Variants in TRAPPC8 observed in about 807,000 individuals in gnomAD.
TRAPPC8 encodes trafficking protein particle complex subunit 8.
TRAPPC8 carries 54 observed loss-of-function variants against 174.3 expected under a neutral mutation model. That is an observed-to-expected ratio of 0.31 (90% CI 0.25 to 0.39). The LOEUF is 0.39. Ranked by LOEUF, TRAPPC8 falls within the 10% of genes least tolerant of loss-of-function variation. The probability of loss-of-function intolerance (pLI) is 1.00; values close to 1 mark genes in which losing one functional copy is unlikely to be tolerated. For missense variants in TRAPPC8, 1,531 were observed against 1,699.1 expected (o/e 0.90, Z 1.74); for synonymous variants, 630 against 579.9 (o/e 1.09, Z -1.24).
At chr18:31,869,530 C>G (rs902838958) in intron 16 of TRAPPC8, among the ~76,000 whole-genome samples, 2 of 152,024 alleles carry the variant, frequency 1.3e-5, no homozygotes, top group African/African-American at 4.8e-5. Context: ...GGAATCTTCC[C>G]CACAAAAATA....
chr18:31,921,220 G>A (rs966138749), intron 2 of TRAPPC8, among the ~76,000 whole-genome samples: 1 of 152,058 alleles, frequency 6.6e-6, no homozygotes, highest in African/African-American at 2.4e-5. Flanking sequence ...GTTTCAAAGA[G>A]AAGTAACAGA....
intron 12 of TRAPPC8, among the ~76,000 whole-genome samples, chr18:31,884,461 GT>G (rs1240145494): frequency 6.6e-6 from 1 of 152,116 alleles, no homozygotes; most frequent in Non-Finnish European, 1.5e-5. Flanking sequence ...GGTTTGTTCT[GT>G]AGTGATAGAG....
chr18:31,934,825 C>CCATTGTACTCCAGCCTGGG (rs2038010780), intron 1 of TRAPPC8, among the ~76,000 whole-genome samples: 2 of 151,810 alleles, frequency 1.3e-5, no homozygotes. Flanking sequence ...CGAGACCACA[C>CCATTGTACTCCAGCCTGGG]CATTGTACTC....
Position 31,871,088 on chromosome 18 carries a change from C to A in TRAPPC8, c.2095G>T (p.Asp699Tyr). Reference protein sequence around the residue: ...EKQAATHVSLDQEYDSESSQQ... With the variant: ...EKQAATHVSLYQEYDSESSQQ... ...GAGGATTCAGAATCATATTCTTGAT[C>A]AAGACTTACATGAGTAGCTGCTTGT... Residue 699 changes from aspartate to tyrosine, a missense_variant, in exon 15 of 29, where the codon GAT (aspartate) becomes TAT (tyrosine). Coordinates refer to ENST00000283351, the MANE Select transcript of TRAPPC8 (RefSeq NM_014939.5). 6.3e-7 allele frequency: 1 copy of A among 1,584,808 alleles called. No individual in the cohort carries two copies. Among genetic ancestry groups the A allele is most frequent in the Non-Finnish European group, 8.6e-7 (1 of 1,162,392 alleles).
rs1407257785 is a variant in TRAPPC8 at position 31,907,479 on chromosome 18, A to G, written c.1370T>C (p.Leu457Pro). The change falls in exon 9 of 29, where the codon CTT becomes CCT. Residue 457 changes from leucine to proline, a missense_variant. Leu to Pro is a moderately conservative substitution (Grantham distance 98). Coordinates refer to ENST00000283351, the MANE Select transcript of TRAPPC8 (RefSeq NM_014939.5). The part of the protein sequence containing the change: ...KKDFLNDQAM[L>P]YAAGALEMAA... ...ACCAACCAAGGCACCAGCTGCATAA[A>G]GCATTGCTTGATCATTAAGAAAATC... is the stretch of plus-strand genomic sequence containing the variant. The G allele has an allele frequency of 4.4e-6, 7 of 1,604,252 alleles. No individual in the cohort carries two copies. The highest frequency in any genetic ancestry group is 1.3e-5 in the African/African-American group (1 of 74,786).
chr18:31,855,942 T>A, intron 20 of TRAPPC8, 135 bp from the exon 21 acceptor site: 1 of 960,536 alleles, frequency 1.0e-6, no homozygotes, highest in Middle Eastern at 3.2e-4. Context: ...TAGAATACAT[T>A]AAGTAAAATT....
rs149266971 is a variant in TRAPPC8, at chr18:31,870,482, C to T, written c.2278G>A (p.Ala760Thr). 1.9e-6 allele frequency: 3 copies of T among 1,611,248 alleles called. No individual in the cohort carries two copies. The highest frequency in any genetic ancestry group is 2.5e-6 in the Non-Finnish European group (3 of 1,178,812). ...VVEEPITVEV[A>T]FRNPLKVLLL... The stretch of plus-strand genomic sequence containing the variant: ...AGAACTTTCAAAGGGTTTCTAAAAG[C>T]CACTTCCACTGTAATTGGTTCTATT... The change falls in exon 16 of 29, where the codon GCT (alanine) becomes ACT (threonine). Residue 760 changes from alanine (A) to threonine (T), a missense_variant. By Grantham distance (58) the Ala-to-Thr change is moderately conservative (BLOSUM62 0). Coordinates refer to ENST00000283351, the MANE Select transcript of TRAPPC8 (RefSeq NM_014939.5).
chr18:31,890,689 T>G (rs773546864), intron 12 of TRAPPC8, 46 bp downstream of exon 12: 46 of 1,569,684 alleles, frequency 2.9e-5, no homozygotes, highest in Admixed American at 5.8e-5. Flanking sequence ...TGACACACAT[T>G]TATAAAATAA....
intron 2 of TRAPPC8, among the ~76,000 whole-genome samples, chr18:31,927,569 T>C (rs1327835628): frequency 6.6e-6 from 1 of 152,026 alleles, no homozygotes; most frequent in Non-Finnish European, 1.5e-5. Flanking sequence ...CAGCTAATTT[T>C]TTTTAAAAAA....
At chr18:31,835,527 T>C (rs1041343617) in intron 27 of TRAPPC8, among the ~76,000 whole-genome samples, 1 of 152,212 alleles carries the variant, frequency 6.6e-6, no homozygotes, top group African/African-American at 2.4e-5. Flanking sequence ...CATGAAATTT[T>C]TTCCCATCAC....
intron 26 of TRAPPC8, 120 bp downstream of exon 26, chr18:31,846,596 C>T: frequency 8.7e-6 from 7 of 805,414 alleles, no homozygotes; most frequent in Middle Eastern, 3.1e-4. Flanking sequence ...CAAAAAAAAC[C>T]AAAAAACAAA....
intron 27 of TRAPPC8, among the ~76,000 whole-genome samples, chr18:31,838,914 C>T (rs951960110): frequency 1.3e-5 from 2 of 152,230 alleles, no homozygotes; most frequent in Non-Finnish European, 1.5e-5. Flanking sequence ...TCCATCCTAT[C>T]CCCATCCCCA....
chr18:31,894,448 T>C (rs1409469399), intron 11 of TRAPPC8, among the ~76,000 whole-genome samples: 1 of 152,188 alleles, frequency 6.6e-6, no homozygotes, highest in East Asian at 1.9e-4. Flanking sequence ...ATAACAAGTT[T>C]TGTTTATGTT....
chr18:31,837,028 C>A (rs559492598), intron 27 of TRAPPC8, among the ~76,000 whole-genome samples: 1 of 152,040 alleles, frequency 6.6e-6, no homozygotes, highest in African/African-American at 2.4e-5. Context: ...TCCCAAAGTG[C>A]TGGGATTACA....
chr18:31,937,087 G>A lies in TRAPPC8; in HGVS notation c.157+5521C>T, dbSNP rs140196901. On this transcript the variant is annotated intron_variant, in intron 1 of 28. Transcript: ENST00000283351. ...AAATTAGCCAGGCGTGGTGGTGGGCGCCTATAGTCCCAGCTACTCAGGAGT... is the reference window on the plus strand; with the variant it reads ...AAATTAGCCAGGCGTGGTGGTGGGCACCTATAGTCCCAGCTACTCAGGAGT... 8.5e-3 allele frequency among the ~76,000 whole-genome samples: 1,296 copies of A among 151,978 alleles called. 25 individuals are homozygous for A. Among genetic ancestry groups the A allele is most frequent in the African/African-American group, 0.029 (1,213 of 41,442 alleles).
At chr18:31,831,742 T>C (rs2032383786) in intron 28 of TRAPPC8, among the ~76,000 whole-genome samples, 1 of 152,210 alleles carries the variant, frequency 6.6e-6, no homozygotes, top group African/African-American at 2.4e-5. Context: ...TCCCAGATCC[T>C]GTTTGGGGTG....
rs1598635838 is a variant in TRAPPC8, at chr18:31,869,203, T to C, written c.2388+1169A>G. Among the ~76,000 whole-genome samples the C allele has an allele frequency of 1.3e-5, 2 of 151,998 alleles. 1 individual carries two copies. The highest frequency in any genetic ancestry group is 2.9e-5 in the Non-Finnish European group (2 of 67,966). ...ATTTCTGCTTCAAAATTAAGTATCT[T>C]AGATACATAAAGGACTTATTAGACA... On this transcript the variant is annotated intron_variant, in intron 16 of 28. Coordinates refer to ENST00000283351, the MANE Select transcript of TRAPPC8 (RefSeq NM_014939.5).
At chr18:31,935,868 T>C (rs2038075459) in intron 1 of TRAPPC8, among the ~76,000 whole-genome samples, 1 of 151,762 alleles carries the variant, frequency 6.6e-6, no homozygotes, top group Non-Finnish European at 1.5e-5. Flanking sequence ...CCCGAGTAGC[T>C]GGGATTACAG....
intron 12 of TRAPPC8, among the ~76,000 whole-genome samples, chr18:31,884,436 C>T (rs1389556450): frequency 6.6e-6 from 1 of 152,162 alleles, no homozygotes; most frequent in African/African-American, 2.4e-5. Context: ...GATGTATGCA[C>T]ATTTTTACAC....
Sources: gnomAD v4.1 joint callset for allele counts (sites outside exome capture counted in the v4.1 genomes callset) on GRCh38, gnomAD v4.1.1 for gene constraint, MANE v1.5 for transcripts, NCBI Gene and HGNC (gene_info 2026-07-23, HGNC 2026-07-21) for gene names.